Variants in DLGAP2 observed in about 807,000 individuals in gnomAD.
DLGAP2 encodes the protein DLG associated protein 2.
Under a neutral mutation model 100.3 loss-of-function variants are expected in DLGAP2, and 26 were observed. The ratio of observed to expected loss-of-function variants is 0.26; its 90% CI spans 0.19 to 0.36. DLGAP2 has a LOEUF of 0.36. DLGAP2 is among the 10% of genes least tolerant of loss of function. DLGAP2 has a pLI of 1.00. For missense variants in DLGAP2, 1,858 were observed against 1,453.2 expected, an observed-to-expected ratio of 1.28 and a Z score of -4.53; for synonymous variants, 886 against 630.1, an observed-to-expected ratio of 1.41 and a Z score of -6.08.
At chr8:1,320,984 C>T (rs554538878) in intron 3 of DLGAP2, among the ~76,000 whole-genome samples, 81 of 152,056 alleles carry the variant, frequency 5.3e-4, no homozygotes, top group Non-Finnish European at 7.8e-4. Context: ...TACATGTGTG[C>T]GTGCATCCGT....
At chr8:1,355,051 G>A (rs958499348) in intron 3 of DLGAP2, among the ~76,000 whole-genome samples, 1 of 151,874 alleles carries the variant, frequency 6.6e-6, no homozygotes, top group Non-Finnish European at 1.5e-5. Context: ...GGAAAGTCAC[G>A]GATGATGCTG....
intron 2 of DLGAP2, among the ~76,000 whole-genome samples, chr8:950,681 G>T (rs1357876539): frequency 6.7e-6 from 1 of 149,226 alleles, no homozygotes; most frequent in Non-Finnish European, 1.5e-5. Context: ...GAGTGTAGTG[G>T]CACGATCTTG....
chr8:915,059 G>A (rs1360628864), intron 2 of DLGAP2, among the ~76,000 whole-genome samples: 1 of 152,216 alleles, frequency 6.6e-6, no homozygotes, highest in African/African-American at 2.4e-5. Flanking sequence ...ACAGGTTCCT[G>A]TGAGAGGGTC....
At chr8:758,039 A>G (rs1477097130) in intron 1 of DLGAP2, among the ~76,000 whole-genome samples, 1 of 152,034 alleles carries the variant, frequency 6.6e-6, no homozygotes, top group Admixed American at 6.6e-5. Context: ...CTGTTATTTT[A>G]TCTGTGAAAT....
At position 1,531,861 on chromosome 8, in the gene DLGAP2, A is replaced by G. The variant is rs575762049; in HGVS notation, c.173-16765A>G. On this transcript the variant is annotated intron_variant, in intron 4 of 14. Transcript: ENST00000637795. ...TGAGACAGGTCTCAGTTTATTTAGA[A>G]AGTTTATTTTGCCAAGGTTGTCACG... is the stretch of plus-strand genomic sequence containing the variant. Among the ~76,000 whole-genome samples, 4 of 152,312 alleles carry G rather than the reference A, an allele frequency of 2.6e-5. No homozygotes were observed. The South Asian group carries it at 8.3e-4, about 32-fold the overall frequency.
chr8:990,323 CCCA>C (rs1800628091), intron 2 of DLGAP2, among the ~76,000 whole-genome samples: 1 of 146,164 alleles, frequency 6.8e-6, no homozygotes, highest in African/African-American at 2.6e-5. Context: ...CCCCTGCACC[CCCA>C]TACTCGGAGT....
chr8:1,548,212 G>C (rs564539078), intron 4 of DLGAP2, among the ~76,000 whole-genome samples: 3 of 152,154 alleles, frequency 2.0e-5, no homozygotes, highest in East Asian at 3.9e-4. Context: ...GTAATCCCAG[G>C]ACTTTGGGAG....
At chr8:1,473,877 A>G (rs916117214) in intron 3 of DLGAP2, among the ~76,000 whole-genome samples, 1 of 152,086 alleles carries the variant, frequency 6.6e-6, no homozygotes, top group Non-Finnish European at 1.5e-5. Context: ...ACCTTCCACC[A>G]TGATTGTGAG....
intron 3 of DLGAP2, among the ~76,000 whole-genome samples, chr8:1,278,934 G>C (rs1799760789): frequency 6.6e-6 from 1 of 152,208 alleles, no homozygotes; most frequent in African/African-American, 2.4e-5. Context: ...TTGAACCCAT[G>C]ATGGTACATG....
chr8:1,230,310 G>T (rs1798509526), intron 2 of DLGAP2, among the ~76,000 whole-genome samples: 1 of 151,704 alleles, frequency 6.6e-6, no homozygotes, highest in African/African-American at 2.4e-5. Flanking sequence ...CTAACTCGAA[G>T]TGAAAGATAT....
chr8:1,284,546 G>T (rs1229708132), intron 3 of DLGAP2, among the ~76,000 whole-genome samples: 2 of 152,148 alleles, frequency 1.3e-5, no homozygotes, highest in African/African-American at 4.8e-5. Context: ...TTTCAGTGTT[G>T]CCTGTTTCTC....
At chr8:1,199,552 C>T (rs1012446276) in intron 2 of DLGAP2, among the ~76,000 whole-genome samples, 1 of 152,174 alleles carries the variant, frequency 6.6e-6, no homozygotes, top group Admixed American at 6.5e-5. Context: ...GGTCAGGAGA[C>T]TCAGCAGTTG....
chr8:1,578,088 T>G (rs377565452), intron 6 of DLGAP2, among the ~76,000 whole-genome samples: 1 of 152,254 alleles, frequency 6.6e-6, no homozygotes, highest in African/African-American at 2.4e-5. Context: ...TTGAAAGTAA[T>G]TGGATACAGT....
At chr8:1,058,645 T>G (rs1048710436) in intron 2 of DLGAP2, among the ~76,000 whole-genome samples, 1 of 152,244 alleles carries the variant, frequency 6.6e-6, no homozygotes, top group African/African-American at 2.4e-5. Flanking sequence ...TCTAGCCATC[T>G]ACCAAGTAGG....
At chr8:942,140 G>A (rs953238619) in intron 2 of DLGAP2, among the ~76,000 whole-genome samples, 1 of 152,180 alleles carries the variant, frequency 6.6e-6, no homozygotes, top group African/African-American at 2.4e-5. Flanking sequence ...TAGAGATGGG[G>A]TCTTGCACTG....
chr8:1,436,589 G>C (rs1269331579), intron 3 of DLGAP2, among the ~76,000 whole-genome samples: 3 of 152,166 alleles, frequency 2.0e-5, no homozygotes, highest in East Asian at 1.9e-4. Flanking sequence ...AACCATCACA[G>C]TATGCTAAGG....
chr8:1,238,690 C>G (rs1215435185), intron 2 of DLGAP2, among the ~76,000 whole-genome samples: 2 of 108,802 alleles, frequency 1.8e-5, no homozygotes, highest in African/African-American at 6.8e-5. Flanking sequence ...AGCGTCATGT[C>G]TAGTTCTCTC....
chr8:919,294 G>A (rs1307970652), intron 2 of DLGAP2, among the ~76,000 whole-genome samples: 1 of 152,212 alleles, frequency 6.6e-6, no homozygotes, highest in African/African-American at 2.4e-5. Flanking sequence ...GTGCCCTCAT[G>A]GTGCTGGGGT....
chr8:1,666,018 G>C (rs1798535686), intron 8 of DLGAP2, among the ~76,000 whole-genome samples: 1 of 152,144 alleles, frequency 6.6e-6, no homozygotes. Flanking sequence ...TGTTTAAACG[G>C]ACCTCATCCC....
Sources: allele counts gnomAD v4.1 joint callset (sites outside exome capture counted in the v4.1 genomes callset), GRCh38; gene constraint gnomAD v4.1.1; transcripts MANE v1.5; gene names NCBI Gene and HGNC (gene_info 2026-07-23, HGNC 2026-07-21).